NOS1AP: variants seen among roughly 807,000 people sequenced by gnomAD.
NOS1AP encodes carboxyl-terminal PDZ ligand of neuronal nitric oxide synthase protein.
A neutral mutation model predicts 56.2 loss-of-function variants in NOS1AP; 21 were observed. That is an observed-to-expected ratio of 0.37 (90% CI 0.26 to 0.54). The LOEUF is 0.54. NOS1AP is among the 20% of genes least tolerant of loss of function. NOS1AP has a pLI of 0.84. For synonymous variants in NOS1AP, 270 were observed against 274.6 expected, an observed-to-expected ratio of 0.98 and a Z score of 0.17; for missense variants, 522 against 657.8, an observed-to-expected ratio of 0.79 and a Z score of 2.26.
intron 2 of NOS1AP, among the ~76,000 whole-genome samples, chr1:162,182,187 A>G (rs1403776030): frequency 6.6e-6 from 1 of 152,202 alleles, no homozygotes; most frequent in African/African-American, 2.4e-5. Context: ...TTGTTACGAC[A>G]GTCATCATTT....
intron 1 of NOS1AP, among the ~76,000 whole-genome samples, chr1:162,147,618 T>A (rs1367068340): frequency 1.3e-5 from 2 of 152,194 alleles, no homozygotes; most frequent in African/African-American, 4.8e-5. Flanking sequence ...GAAAGCACTT[T>A]ATGAAATATT....
intron 5 of NOS1AP, among the ~76,000 whole-genome samples, chr1:162,339,999 A>G (rs1191509557): frequency 6.6e-6 from 1 of 152,244 alleles, no homozygotes; most frequent in Non-Finnish European, 1.5e-5. Flanking sequence ...ATAGCCATTT[A>G]TGAGTACAGT....
intron 1 of NOS1AP, among the ~76,000 whole-genome samples, chr1:162,095,479 G>A (rs552855485): frequency 6.6e-5 from 10 of 152,286 alleles, no homozygotes; most frequent in African/African-American, 2.4e-4. Flanking sequence ...TTTTGTTATA[G>A]CAACCCCAAC....
intron 1 of NOS1AP, among the ~76,000 whole-genome samples, chr1:162,083,297 A>G (rs910355174): frequency 3.9e-5 from 6 of 152,158 alleles, no homozygotes; most frequent in African/African-American, 1.2e-4. Context: ...TGTTCTGCGG[A>G]GAGGAAGATT....
intron 6 of NOS1AP, 37 bp downstream of exon 6, chr1:162,344,013 G>A: frequency 1.9e-6 from 3 of 1,612,240 alleles, no homozygotes; most frequent in Non-Finnish European, 1.7e-6. Context: ...GGGTGGGAAG[G>A]CAGTGCACAC....
In NOS1AP at chr1:162,332,918, A is replaced by G. The variant is rs970422221; in HGVS notation, c.345-99A>G. ...GACTTTCTGTAATAACTTGGCTCTC[A>G]TGAGCTGTGCTTCAGAGTGTCCTTA... On this transcript the variant is annotated intron_variant, in intron 4 of 9. Coordinates refer to ENST00000361897, the MANE Select transcript of NOS1AP (RefSeq NM_014697.3). The G allele has an allele frequency of 4.6e-6, 4 of 863,418 alleles. No individual in the cohort carries two copies. The African/African-American group carries it at 6.6e-5, about 14-fold the overall frequency. The allele number at this position is 863,418 out of a possible 1,614,324, so 53.5% of individuals were successfully genotyped here.
At chr1:162,282,061 T>C (rs748175478) in intron 2 of NOS1AP, among the ~76,000 whole-genome samples, 4 of 152,118 alleles carry the variant, frequency 2.6e-5, no homozygotes, top group African/African-American at 4.8e-5. Context: ...GATTGCACCA[T>C]TGCACTCCAG....
At chr1:162,272,639 C>G (rs1654618756) in intron 2 of NOS1AP, among the ~76,000 whole-genome samples, 1 of 152,116 alleles carries the variant, frequency 6.6e-6, no homozygotes, top group South Asian at 2.1e-4. Context: ...CAGGCATGTG[C>G]TCGTTATTTA....
intron 1 of NOS1AP, among the ~76,000 whole-genome samples, chr1:162,128,376 T>G (rs28705106): frequency 0.026 from 3,973 of 152,176 alleles, 158 homozygotes; most frequent in African/African-American, 0.089. Context: ...TTTCTATTTT[T>G]GGGGGTATAT....
Position 162,287,143 on chromosome 1 carries a change from C to A in NOS1AP, c.178-201C>A, listed in dbSNP as rs16859724. 6.1e-3 allele frequency among the ~76,000 whole-genome samples: 935 copies of A among 152,232 alleles called. 8 individuals are homozygous for A. The highest frequency in any genetic ancestry group is 0.021 in the African/African-American group (867 of 41,544). Reference sequence around the variant, plus strand: ...GCTGATGGCTGAGAAGTGGTATAGACTATTCAGAGTCCCGTTTCTAACCCA... The same window carrying A: ...GCTGATGGCTGAGAAGTGGTATAGAATATTCAGAGTCCCGTTTCTAACCCA... On this transcript the variant is annotated intron_variant, in intron 2 of 9. Transcript: ENST00000361897.
At chr1:162,249,153 T>C (rs1458432596) in intron 2 of NOS1AP, among the ~76,000 whole-genome samples, 1 of 152,124 alleles carries the variant, frequency 6.6e-6, no homozygotes, top group East Asian at 1.9e-4. Context: ...CATGGCACTT[T>C]GGATATAGAG....
intron 1 of NOS1AP, among the ~76,000 whole-genome samples, chr1:162,113,889 C>T (rs749551018): frequency 6.6e-6 from 1 of 151,874 alleles, no homozygotes; most frequent in Non-Finnish European, 1.5e-5. Context: ...TCTAGTTGCT[C>T]TTGAGCACCC....
intron 1 of NOS1AP, among the ~76,000 whole-genome samples, chr1:162,153,029 A>G (rs555827176): frequency 1.3e-5 from 2 of 152,296 alleles, no homozygotes; most frequent in East Asian, 3.9e-4. Flanking sequence ...GGTGTATATG[A>G]AGGCGCTCAT....
At chr1:162,076,344 C>T (rs963304235) in intron 1 of NOS1AP, among the ~76,000 whole-genome samples, 5 of 152,160 alleles carry the variant, frequency 3.3e-5, no homozygotes, top group Admixed American at 2.0e-4. Flanking sequence ...TTGGAAAAGA[C>T]CATTTATATA....
At chr1:162,216,834 T>C (rs1470640615) in intron 2 of NOS1AP, among the ~76,000 whole-genome samples, 1 of 152,246 alleles carries the variant, frequency 6.6e-6, no homozygotes, top group Non-Finnish European at 1.5e-5. Flanking sequence ...TAAACTTCTC[T>C]GTGCTTTGGT....
At chr1:162,242,082 TC>T (rs1557845608) in intron 2 of NOS1AP, among the ~76,000 whole-genome samples, 1 of 152,076 alleles carries the variant, frequency 6.6e-6, no homozygotes, top group Non-Finnish European at 1.5e-5. Context: ...TTACCTTCCT[TC>T]CTTCATTCAT....
At chr1:162,210,704 C>T (rs73017359) in intron 2 of NOS1AP, among the ~76,000 whole-genome samples, 24,157 of 152,258 alleles carry the variant, frequency 0.16, 2,115 homozygotes, top group South Asian at 0.23. Flanking sequence ...TTCTCCTGGG[C>T]TGCCTTCATC....
At position 162,077,756 on chromosome 1, in the gene NOS1AP, A is replaced by G. The variant is rs368060849; in HGVS notation, c.105+7474A>G. Among the ~76,000 whole-genome samples the G allele has an allele frequency of 1.4e-4, 20 of 146,440 alleles. No individual in the cohort carries two copies. The East Asian group carries it at 3.5e-3, about 25-fold the overall frequency. On this transcript the variant is annotated intron_variant, in intron 1 of 9. Transcript: ENST00000361897. ...GGCTTACTCCTCCCTGCCTAAGAGTATGCTATGGCCTTCCCTGTATGAAAT... is the reference window on the plus strand; with the variant it reads ...GGCTTACTCCTCCCTGCCTAAGAGTGTGCTATGGCCTTCCCTGTATGAAAT...
At chr1:162,075,572 C>T (rs1294635883) in intron 1 of NOS1AP, among the ~76,000 whole-genome samples, 1 of 152,212 alleles carries the variant, frequency 6.6e-6, no homozygotes, top group Non-Finnish European at 1.5e-5. Flanking sequence ...AGAACCATTC[C>T]ACTATACACT....
Sources: gnomAD v4.1 joint callset for allele counts (sites outside exome capture counted in the v4.1 genomes callset) on GRCh38, gnomAD v4.1.1 for gene constraint, MANE v1.5 for transcripts, NCBI Gene and HGNC (gene_info 2026-07-23, HGNC 2026-07-21) for gene names.